The following ROR1 variants were observed in gnomAD, a reference collection of about 807,000 sequenced individuals.
ROR1 encodes ROR family WNT receptor 1, also known as inactive tyrosine-protein kinase transmembrane receptor ROR1.
Under a neutral mutation model 78.8 loss-of-function variants are expected in ROR1, and 19 were observed. That is an observed-to-expected ratio of 0.24 (90% confidence interval 0.17 to 0.35). The LOEUF is 0.35. ROR1 is among the 10% of genes least tolerant of loss of function. ROR1 has a pLI of 1.00. For missense variants in ROR1, 917 were observed against 1,177.8 expected (o/e 0.78, Z 3.24); for synonymous variants, 386 against 433.6 (o/e 0.89, Z 1.36).
intron 1 of ROR1, among the ~76,000 whole-genome samples, chr1:63,849,690 C>T (rs1645101943): frequency 6.6e-6 from 1 of 152,098 alleles, no homozygotes; most frequent in Non-Finnish European, 1.5e-5. Flanking sequence ...GAATGAGACC[C>T]TGTCTCAAAA....
intron 3 of ROR1, 29 bp downstream of exon 3, chr1:64,050,007 T>C: frequency 6.2e-7 from 1 of 1,610,922 alleles, no homozygotes; most frequent in Non-Finnish European, 8.5e-7. Context: ...GGGATGGACT[T>C]TGGCCCTCAG....
intron 2 of ROR1, among the ~76,000 whole-genome samples, chr1:64,020,946 AT>A (rs1646559930): frequency 6.6e-6 from 1 of 151,974 alleles, no homozygotes; most frequent in South Asian, 2.1e-4. Context: ...GTTCCAAGCT[AT>A]ATTACTTCAG....
At chr1:64,151,623 A>AGG (rs1425450283) in intron 7 of ROR1, among the ~76,000 whole-genome samples, 1 of 152,036 alleles carries the variant, frequency 6.6e-6, no homozygotes, top group East Asian at 1.9e-4. Context: ...CTGTAATCCT[A>AGG]GCACTTTGGG....
At chr1:63,906,216 C>T (rs908037387) in intron 1 of ROR1, among the ~76,000 whole-genome samples, 2 of 152,190 alleles carry the variant, frequency 1.3e-5, no homozygotes, top group Non-Finnish European at 2.9e-5. Context: ...GCCTGTTCTA[C>T]ACACCCTCAG....
intron 1 of ROR1, among the ~76,000 whole-genome samples, chr1:64,008,327 G>T (rs1039805659): frequency 3.3e-5 from 5 of 152,144 alleles, no homozygotes; most frequent in Non-Finnish European, 2.9e-5. Context: ...GTATTCCATG[G>T]TATATATGTA....
intron 1 of ROR1, among the ~76,000 whole-genome samples, chr1:63,921,754 A>T (rs1226559713): frequency 6.6e-6 from 1 of 152,116 alleles, no homozygotes; most frequent in Non-Finnish European, 1.5e-5. Context: ...TTGCTATGTG[A>T]CCTAGTTTAA....
intron 1 of ROR1, among the ~76,000 whole-genome samples, chr1:63,993,032 A>G (rs771635741): frequency 3.3e-5 from 5 of 152,224 alleles, no homozygotes; most frequent in Admixed American, 3.3e-4. Flanking sequence ...TTTAAAGATC[A>G]GTACTCAAAA....
chr1:63,970,624 C>G (rs992457957), intron 1 of ROR1, among the ~76,000 whole-genome samples: 1 of 152,142 alleles, frequency 6.6e-6, no homozygotes, highest in Non-Finnish European at 1.5e-5. Flanking sequence ...AGGAATCATA[C>G]ATGGGCTGCT....
chr1:64,164,186 C>T (rs1650022569), intron 8 of ROR1, among the ~76,000 whole-genome samples: 1 of 152,152 alleles, frequency 6.6e-6, no homozygotes, highest in South Asian at 2.1e-4. Flanking sequence ...TGCTCTAGCT[C>T]CCCCTTGAGT....
intron 4 of ROR1, among the ~76,000 whole-genome samples, chr1:64,093,209 C>A (rs1307844392): frequency 6.6e-6 from 1 of 152,148 alleles, no homozygotes; most frequent in Non-Finnish European, 1.5e-5. Context: ...CTGGATGAGT[C>A]TCTCTCTCTT....
At chr1:63,911,062 T>G (rs1419238366) in intron 1 of ROR1, among the ~76,000 whole-genome samples, 1 of 152,222 alleles carries the variant, frequency 6.6e-6, no homozygotes, top group Non-Finnish European at 1.5e-5. Flanking sequence ...AGGTGTCTGA[T>G]GGAACAGGAA....
chr1:63,898,021 C>T (rs534966764), intron 1 of ROR1, among the ~76,000 whole-genome samples: 49 of 152,196 alleles, frequency 3.2e-4, no homozygotes, highest in African/African-American at 1.1e-3. Flanking sequence ...CCTTTTTGGC[C>T]GGAGCTCATT....
chr1:63,981,627 G>A (rs941133852), intron 1 of ROR1, among the ~76,000 whole-genome samples: 1 of 152,144 alleles, frequency 6.6e-6, no homozygotes, highest in Non-Finnish European at 1.5e-5. Context: ...TGTCTTGAGA[G>A]CTGGTGTCCT....
chr1:63,790,123 T>G (rs552497430), intron 1 of ROR1, among the ~76,000 whole-genome samples: 1 of 152,278 alleles, frequency 6.6e-6, no homozygotes, highest in East Asian at 1.9e-4. Flanking sequence ...TAAATAACCT[T>G]CATTATAATT....
intron 1 of ROR1, among the ~76,000 whole-genome samples, chr1:63,829,534 AG>A (rs2100296758): frequency 6.6e-6 from 1 of 152,272 alleles, no homozygotes; most frequent in East Asian, 1.9e-4. Context: ...GGCATTCAAC[AG>A]GCGAAGGGAG....
intron 4 of ROR1, among the ~76,000 whole-genome samples, chr1:64,119,249 C>A (rs557375024): frequency 6.6e-6 from 1 of 152,146 alleles, no homozygotes; most frequent in Non-Finnish European, 1.5e-5. Context: ...CCCACTCCCC[C>A]CAGTTGAATT....
chr1:64,124,336 G>A (rs1028430722), intron 4 of ROR1, among the ~76,000 whole-genome samples: 1 of 152,148 alleles, frequency 6.6e-6, no homozygotes, highest in Non-Finnish European at 1.5e-5. Flanking sequence ...TTGTATTATT[G>A]TTAGATATTA....
At chr1:64,016,376 T>A (rs1416814609) in intron 2 of ROR1, among the ~76,000 whole-genome samples, 1 of 152,328 alleles carries the variant, frequency 6.6e-6, no homozygotes, top group Admixed American at 6.5e-5. Flanking sequence ...AATTTTTACA[T>A]TGATTACATG....
At chr1:64,140,057 AAAG>A in intron 5 of ROR1, 49 bp from the exon 6 acceptor site, 1 of 1,547,214 alleles carries the variant, frequency 6.5e-7, no homozygotes, top group Non-Finnish European at 8.9e-7. Context: ...CTAGATAACC[AAAG>A]AAGATAAACC....
Sources: allele counts gnomAD v4.1 joint callset (sites outside exome capture counted in the v4.1 genomes callset), GRCh38; gene constraint gnomAD v4.1.1; transcripts MANE v1.5; gene names NCBI Gene and HGNC (gene_info 2026-07-23, HGNC 2026-07-21).